PTPN14: variants seen among roughly 807,000 people sequenced by gnomAD.
PTPN14 encodes the protein tyrosine-protein phosphatase non-receptor type 14.
A neutral mutation model predicts 126.8 loss-of-function variants in PTPN14; 53 were observed. The ratio of observed to expected loss-of-function variants is 0.42; its 90% confidence interval spans 0.34 to 0.53. The LOEUF (loss-of-function observed/expected upper bound fraction) is 0.53. Ranked by LOEUF, PTPN14 falls within the 20% of genes least tolerant of loss-of-function variation. The pLI, the probability that PTPN14 is intolerant of heterozygous loss-of-function variation, is 0.08. For missense variants in PTPN14, 1,257 were observed against 1,552.9 expected (o/e 0.81, Z 3.20); for synonymous variants, 630 against 599.3 (o/e 1.05, Z -0.75).
At chr1:214,482,295 G>A (rs1661008040) in intron 1 of PTPN14, among the ~76,000 whole-genome samples, 1 of 73,956 alleles carries the variant, frequency 1.4e-5, no homozygotes, top group Non-Finnish European at 3.1e-5. Flanking sequence ...GTAGATATCA[G>A]GCAAACAGAA....
intron 1 of PTPN14, chr1:214,529,327 A>T (rs2102467194): frequency 6.6e-6 from 1 of 152,070 alleles, no homozygotes; most frequent in Middle Eastern, 3.4e-3. Flanking sequence ...TCTCTGCCAA[A>T]AAAAGTCAAG....
At chr1:214,474,952 T>C (rs946274205) in intron 1 of PTPN14, among the ~76,000 whole-genome samples, 1 of 152,186 alleles carries the variant, frequency 6.6e-6, no homozygotes, top group African/African-American at 2.4e-5. Flanking sequence ...GCATTCTAAG[T>C]ACATCTTGAA....
chr1:214,353,282 A>G lies in PTPN14; in HGVS notation c.*4640T>C, dbSNP rs1445942543. ...TATGCACATCTCTTGCATACTTTAA[A>G]TCATCTCTAGATTATTTACAATACC... On this transcript the variant is annotated 3_prime_UTR_variant, in exon 19 of 19. Transcript: ENST00000366956. 1 of 152,262 alleles carries G rather than the reference A, an allele frequency of 6.6e-6. No individual in the cohort carries two copies. Among genetic ancestry groups the G allele is most frequent in the East Asian group, 1.9e-4 (1 of 5,206 alleles). The allele number at this position is 152,262 out of a possible 1,614,324, so 9.4% of individuals were successfully genotyped here.
intron 3 of PTPN14, among the ~76,000 whole-genome samples, chr1:214,450,694 G>A (rs554820216): frequency 4.6e-5 from 7 of 152,252 alleles, no homozygotes; most frequent in African/African-American, 1.7e-4. Flanking sequence ...AAAGTAAAGG[G>A]TTTATGTGAT....
At chr1:214,518,106 C>T (rs1477631901) in intron 1 of PTPN14, among the ~76,000 whole-genome samples, 1 of 152,116 alleles carries the variant, frequency 6.6e-6, no homozygotes, top group South Asian at 2.1e-4. Context: ...ACATGGTAAA[C>T]AATAAATGTT....
At chr1:214,417,193 G>C (rs1049297052) in intron 3 of PTPN14, among the ~76,000 whole-genome samples, 2 of 152,162 alleles carry the variant, frequency 1.3e-5, no homozygotes, top group Non-Finnish European at 2.9e-5. Flanking sequence ...TTTAGGTTAG[G>C]ATTCTGCTCT....
intron 3 of PTPN14, among the ~76,000 whole-genome samples, chr1:214,437,350 G>A (rs1315450321): frequency 6.6e-6 from 1 of 152,054 alleles, no homozygotes; most frequent in Non-Finnish European, 1.5e-5. Flanking sequence ...GAAACAGTGG[G>A]AAGTTGTGTT....
intron 1 of PTPN14, chr1:214,532,273 G>A (rs191005647): frequency 4.4e-6 from 2 of 450,978 alleles, no homozygotes; most frequent in Non-Finnish European, 8.4e-6. Context: ...CTGGTCAACA[G>A]CGTGGCCAGA....
chr1:214,540,701 G>C (rs926706992), intron 1 of PTPN14, among the ~76,000 whole-genome samples: 12 of 151,976 alleles, frequency 7.9e-5, no homozygotes, highest in Non-Finnish European at 1.5e-4. Context: ...TGGTGATGGG[G>C]GAAAAGAAAG....
At chr1:214,461,227 C>A (rs1660503775) in intron 2 of PTPN14, among the ~76,000 whole-genome samples, 2 of 152,092 alleles carry the variant, frequency 1.3e-5, no homozygotes, top group Admixed American at 1.3e-4. Context: ...TTTAATCCAC[C>A]ATACATCCTT....
At chr1:214,536,428 T>TA (rs1478080716) in intron 1 of PTPN14, among the ~76,000 whole-genome samples, 1 of 152,052 alleles carries the variant, frequency 6.6e-6, no homozygotes, top group African/African-American at 2.4e-5. Flanking sequence ...ATTAGTTTTT[T>TA]AAAAAATATT....
chr1:214,535,704 G>A (rs918558694), intron 1 of PTPN14, among the ~76,000 whole-genome samples: 5 of 151,952 alleles, frequency 3.3e-5, no homozygotes, highest in African/African-American at 1.2e-4. Flanking sequence ...GCTTGAACCT[G>A]GGAAGCGGAG....
In PTPN14 at chr1:214,460,598, C is replaced by CACACACACACACAT. The variant is rs1006852191; in HGVS notation, c.174+4018_174+4031dup. Among the ~76,000 whole-genome samples the CACACACACACACAT allele has an allele frequency of 1.7e-4, 22 of 130,534 alleles. 1 individual carries two copies. In the South Asian group the frequency reaches 4.8e-3, roughly 29 times the overall value. The allele number at this position is 130,534 out of a possible 152,430, so 85.6% of individuals were successfully genotyped here. A position where few individuals can be genotyped will look rare whatever the true frequency, so the allele number is the denominator to read the frequency against. Reference sequence around the variant, plus strand: ...CTCTGCCTTTCCCTGAAAATTCTAACACACACACACACATACACACACACA... The same window carrying CACACACACACACAT: ...CTCTGCCTTTCCCTGAAAATTCTAACACACACACACACATACACACACACACATACACACACACA... On this transcript the variant is annotated intron_variant, in intron 2 of 18. Transcript: ENST00000366956.
intron 1 of PTPN14, among the ~76,000 whole-genome samples, chr1:214,543,911 G>T (rs1362093613): frequency 1.3e-5 from 2 of 152,106 alleles, no homozygotes; most frequent in African/African-American, 4.8e-5. Context: ...GAGCCACTGC[G>T]CCCGGCCACA....
chr1:214,419,501 G>A (rs1047019914), intron 3 of PTPN14, among the ~76,000 whole-genome samples: 3 of 151,994 alleles, frequency 2.0e-5, no homozygotes, highest in Non-Finnish European at 4.4e-5. Context: ...TGAAGAGCAG[G>A]GTAAGACTTA....
At position 214,424,019 on chromosome 1, in the gene PTPN14, C is replaced by T. The variant is rs150750527; in HGVS notation, c.345-9293G>A. 4.6e-3 allele frequency among the ~76,000 whole-genome samples: 666 copies of T among 144,678 alleles called. 7 individuals are homozygous for T. The highest frequency in any genetic ancestry group is 0.021 in the East Asian group (101 of 4,742). The allele number at this position is 144,678 out of a possible 152,430, so 94.9% of individuals were successfully genotyped here. A position where few individuals can be genotyped will look rare whatever the true frequency, so the allele number is the denominator to read the frequency against. On this transcript the variant is annotated intron_variant, in intron 3 of 18. Transcript: ENST00000366956. ...AACAACAAAAAATCAGAGTACTGGC[C>T]GGGCACGGTGGCTCATGCCTGTAAT...
At chr1:214,427,256 G>A (rs954448198) in intron 3 of PTPN14, among the ~76,000 whole-genome samples, 31 of 118,278 alleles carry the variant, frequency 2.6e-4, no homozygotes, top group African/African-American at 8.9e-4. Context: ...CCAGCTTGGC[G>A]ACAGAGTGAG....
chr1:214,437,168 T>G (rs1456050913), intron 3 of PTPN14, among the ~76,000 whole-genome samples: 2 of 152,146 alleles, frequency 1.3e-5, no homozygotes, highest in Admixed American at 6.5e-5. Context: ...TGAAATTATT[T>G]TATTTTTTTC....
rs374706112 is a variant in PTPN14, at chr1:214,350,531, ATCT to A, written c.*7388_*7390del. The A allele has an allele frequency of 1.6e-5, 2 of 124,200 alleles. No individual in the cohort carries two copies. The highest frequency in any genetic ancestry group is 5.9e-5 in the African/African-American group (2 of 33,632). The allele number at this position is 124,200 out of a possible 1,614,324, so 7.7% of individuals were successfully genotyped here. On this transcript the variant is annotated 3_prime_UTR_variant, in exon 19 of 19. Coordinates refer to ENST00000366956, the MANE Select transcript of PTPN14 (RefSeq NM_005401.5). ...CATTCTGGTTATTTTCATCCGCCAG[ATCT>A]TTTTTTTTTTTTTTTTTTTTTTTTG...
Sources: allele counts gnomAD v4.1 joint callset (sites outside exome capture counted in the v4.1 genomes callset), GRCh38; gene constraint gnomAD v4.1.1; transcripts MANE v1.5; gene names NCBI Gene and HGNC (gene_info 2026-07-23, HGNC 2026-07-21).